The following NRXN1 variants were observed in gnomAD, a reference collection of about 807,000 sequenced individuals.
The protein encoded by NRXN1 is neurexin-1.
In NRXN1, 39 loss-of-function variants were observed where a neutral mutation model predicts 150.9. The ratio of observed to expected loss-of-function variants is 0.26; its 90% CI spans 0.20 to 0.34. The LOEUF (loss-of-function observed/expected upper bound fraction) is 0.34. Ranked by LOEUF, NRXN1 falls within the 10% of genes least tolerant of loss-of-function variation. The pLI, the probability that NRXN1 is intolerant of heterozygous loss-of-function variation, is 1.00. For synonymous variants in NRXN1, 924 were observed against 757.0 expected (o/e 1.22, Z -3.62); for missense variants, 1,815 against 1,949.9 (o/e 0.93, Z 1.30).
chr2:50,799,986 T>C (rs996546790), intron 5 of NRXN1, among the ~76,000 whole-genome samples: 1 of 152,132 alleles, frequency 6.6e-6, no homozygotes, highest in Non-Finnish European at 1.5e-5. Flanking sequence ...ATTTAAAAGA[T>C]GCTGTGCACA....
intron 8 of NRXN1, among the ~76,000 whole-genome samples, chr2:50,565,302 A>G (rs1397571175): frequency 3.3e-5 from 5 of 152,174 alleles, no homozygotes; most frequent in Non-Finnish European, 7.3e-5. Context: ...GAAAGAAAAT[A>G]GTCTCATGTA....
chr2:49,942,707 T>G lies in NRXN1; in HGVS notation c.4216+997A>C, dbSNP rs986163865. The stretch of plus-strand genomic sequence containing the variant: ...TGACTGCAACCTCTGCCTCCAAGAT[T>G]CAAGTGATTCTCCTGCCTCAGCCTC... On this transcript the variant is annotated intron_variant, in intron 22 of 22. Coordinates refer to ENST00000401669, the MANE Select transcript of NRXN1 (RefSeq NM_001330078.2). Among the ~76,000 whole-genome samples, 3 of 152,168 alleles carry G rather than the reference T, an allele frequency of 2.0e-5. 1 individual carries two copies.
intron 21 of NRXN1, among the ~76,000 whole-genome samples, chr2:49,976,592 G>A (rs570462187): frequency 6.6e-6 from 1 of 152,284 alleles, no homozygotes; most frequent in South Asian, 2.1e-4. Context: ...GGAAGACAGA[G>A]GGAAGGACAT....
chr2:50,869,745 C>T (rs1677480595), intron 5 of NRXN1, among the ~76,000 whole-genome samples: 1 of 151,794 alleles, frequency 6.6e-6, no homozygotes, highest in Non-Finnish European at 1.5e-5. Context: ...AAGCCAAGTA[C>T]AACACATTAC....
chr2:49,948,480 CAT>C (rs1258221778), intron 21 of NRXN1, among the ~76,000 whole-genome samples: 7 of 151,882 alleles, frequency 4.6e-5, no homozygotes, highest in African/African-American at 1.5e-4. Flanking sequence ...TCTTGATTTT[CAT>C]ATATGTTTTT....
At chr2:51,013,984 C>G (rs1349906315) in intron 2 of NRXN1, among the ~76,000 whole-genome samples, 3 of 152,004 alleles carry the variant, frequency 2.0e-5, no homozygotes, top group Non-Finnish European at 4.4e-5. Flanking sequence ...ACTGCCTGAT[C>G]TACAGACACT....
chr2:50,006,147 T>A (rs527734244), intron 21 of NRXN1, among the ~76,000 whole-genome samples: 1 of 152,258 alleles, frequency 6.6e-6, no homozygotes, highest in African/African-American at 2.4e-5. Flanking sequence ...CTTCTCTCCA[T>A]CCTCAAAGCT....
intron 5 of NRXN1, among the ~76,000 whole-genome samples, chr2:50,868,833 T>TA (rs1468082305): frequency 6.6e-6 from 1 of 151,872 alleles, no homozygotes; most frequent in Admixed American, 6.6e-5. Flanking sequence ...TGTATACACT[T>TA]AAATTCAAAG....
chr2:50,713,652 G>A, intron 5 of NRXN1, among the ~76,000 whole-genome samples: 1 of 152,026 alleles, frequency 6.6e-6, no homozygotes, highest in East Asian at 1.9e-4. Context: ...ATATAGGTTG[G>A]GGAGCATGTG....
chr2:50,185,730 C>T (rs1379509840), intron 18 of NRXN1: 3 of 152,054 alleles, frequency 2.0e-5, no homozygotes, highest in African/African-American at 7.2e-5. Flanking sequence ...CACCCTGATA[C>T]TGAACTATAT....
At chr2:50,184,341 T>C (rs73932979) in intron 18 of NRXN1, among the ~76,000 whole-genome samples, 2,899 of 152,090 alleles carry the variant, frequency 0.019, 95 homozygotes, top group African/African-American at 0.067. Flanking sequence ...GGGATCCACA[T>C]TTTGTTGAAT....
intron 18 of NRXN1, 32 bp downstream of exon 18, chr2:50,236,757 T>G (rs761635195): frequency 1.9e-6 from 3 of 1,606,410 alleles, no homozygotes; most frequent in South Asian, 2.2e-5. Flanking sequence ...CAGTAAAAAG[T>G]AAAAGCTGAA....
chr2:50,552,856 T>C lies in NRXN1; in HGVS notation c.1490A>G (p.Asn497Ser), dbSNP rs776101249. The change falls in exon 9 of 23, where the codon AAT (asparagine) becomes AGT (serine). Residue 497 changes from asparagine to serine, a missense_variant. Physicochemically the swap from Asn to Ser is conservative, Grantham distance 46 (BLOSUM62 1). This residue lies in a region of NRXN1 where 638 missense variants were observed against 652.6 expected (regional missense o/e 0.98). Transcript: ENST00000401669. Reference protein sequence around the residue: ...PESFISLPKWNAKKTGSISFD... With the variant: ...PESFISLPKWSAKKTGSISFD... ...TGATATGGAGCCAGTTTTCTTTGCA[T>C]TCCATTTAGGCAAAGAGATGAAAGA... 3.7e-6 allele frequency: 6 copies of C among 1,614,008 alleles called. No individual in the cohort carries two copies. In the South Asian group the frequency reaches 6.6e-5, roughly 18 times the overall value.
intron 18 of NRXN1, among the ~76,000 whole-genome samples, chr2:50,200,947 T>C (rs965906300): frequency 6.6e-6 from 1 of 152,162 alleles, no homozygotes; most frequent in Admixed American, 6.5e-5. Context: ...AGTGAAGCTA[T>C]AAATCGACTT....
chr2:50,216,460 T>C (rs935964504), intron 18 of NRXN1, among the ~76,000 whole-genome samples: 7 of 152,032 alleles, frequency 4.6e-5, no homozygotes, highest in African/African-American at 1.7e-4. Context: ...TCTGAAGTAT[T>C]TACCAATCGG....
At chr2:49,997,539 G>C (rs779475806) in intron 21 of NRXN1, among the ~76,000 whole-genome samples, 4 of 152,068 alleles carry the variant, frequency 2.6e-5, no homozygotes, top group Non-Finnish European at 4.4e-5. Flanking sequence ...TCTCTAGCAG[G>C]ACATTAATCC....
chr2:50,164,772 G>A (rs12622115), intron 18 of NRXN1, among the ~76,000 whole-genome samples: 11 of 152,196 alleles, frequency 7.2e-5, no homozygotes, highest in South Asian at 6.2e-4. Context: ...AAGAGACAAC[G>A]CATTCTTAAT....
intron 12 of NRXN1, among the ~76,000 whole-genome samples, chr2:50,517,981 G>A (rs1434933886): frequency 2.6e-5 from 4 of 151,998 alleles, no homozygotes; most frequent in South Asian, 2.1e-4. Context: ...CTATGCAAAC[G>A]AATAAACAAG....
chr2:49,993,407 G>T (rs774711994), intron 21 of NRXN1, among the ~76,000 whole-genome samples: 1 of 152,172 alleles, frequency 6.6e-6, no homozygotes, highest in Non-Finnish European at 1.5e-5. Context: ...GGGGTTTTAT[G>T]GATAGGATGA....
Sources: allele counts gnomAD v4.1 joint callset (sites outside exome capture counted in the v4.1 genomes callset), GRCh38; gene constraint gnomAD v4.1.1; regional missense constraint gnomAD v4.1.1; transcripts MANE v1.5; gene names NCBI Gene and HGNC (gene_info 2026-07-23, HGNC 2026-07-21).